KDM4A: variants seen among roughly 807,000 people sequenced by gnomAD.
KDM4A encodes lysine demethylase 4A.
KDM4A carries 23 observed loss-of-function variants against 127.1 expected under a neutral mutation model. That is an observed-to-expected ratio of 0.18 (90% CI 0.13 to 0.26). The LOEUF (loss-of-function observed/expected upper bound fraction) is 0.26. Among genes scored for constraint, KDM4A ranks in the 10% least tolerant of loss-of-function variants. The probability of loss-of-function intolerance (pLI) is 1.00; values close to 1 mark genes in which losing one functional copy is unlikely to be tolerated. For synonymous variants in KDM4A, 443 were observed against 466.5 expected (o/e 0.95, Z 0.65); for missense variants, 890 against 1,329.1 (o/e 0.67, Z 5.14).
intron 18 of KDM4A, among the ~76,000 whole-genome samples, chr1:43,697,172 C>T (rs1289996924): frequency 3.3e-5 from 5 of 152,186 alleles, no homozygotes; most frequent in Admixed American, 6.6e-5. Context: ...ATATGGCACA[C>T]TCATTCAGGG....
chr1:43,654,439 T>C (rs1277092752), intron 2 of KDM4A, among the ~76,000 whole-genome samples: 3 of 152,208 alleles, frequency 2.0e-5, no homozygotes. Context: ...ATTCCTGTGT[T>C]GGTTCGTTCA....
chr1:43,653,150 TA>T lies in KDM4A; in HGVS notation c.-23del. ...GTGTTTCTTCAGATTCCTGTCTGACTAAAGGGACCTCAAAAAGGAGGGAAAA... is the reference window on the plus strand; with the variant it reads ...GTGTTTCTTCAGATTCCTGTCTGACTAAGGGACCTCAAAAAGGAGGGAAAA... On this transcript the variant is annotated 5_prime_UTR_variant, in exon 2 of 22. Coordinates refer to ENST00000372396, the MANE Select transcript of KDM4A (RefSeq NM_014663.3). 6.2e-7 allele frequency: 1 copy of T among 1,601,498 alleles called. No homozygotes were observed. The highest frequency in any genetic ancestry group is 2.2e-5 in the East Asian group (1 of 44,650).
At chr1:43,671,429 C>G in intron 10 of KDM4A, 76 bp from the exon 11 acceptor site, 1 of 1,459,622 alleles carries the variant, frequency 6.9e-7, no homozygotes, top group Non-Finnish European at 9.1e-7. Flanking sequence ...GTTCCTTGTG[C>G]TTTGCCCTCT....
intron 12 of KDM4A, among the ~76,000 whole-genome samples, chr1:43,687,119 T>A (rs1241425080): frequency 6.6e-6 from 1 of 152,200 alleles, no homozygotes; most frequent in Admixed American, 6.5e-5. Flanking sequence ...TGTGCTTGGG[T>A]TCTGGGCACC....
chr1:43,655,897 C>T, intron 3 of KDM4A, 131 bp downstream of exon 3: 1 of 624,286 alleles, frequency 1.6e-6, no homozygotes, highest in Non-Finnish European at 2.5e-6. Flanking sequence ...TAGCTGTCTC[C>T]CTTTCTGCTT....
intron 19 of KDM4A, among the ~76,000 whole-genome samples, chr1:43,701,032 C>T (rs1408599881): frequency 6.6e-6 from 1 of 151,660 alleles, no homozygotes; most frequent in Non-Finnish European, 1.5e-5. Context: ...AAGCGATTCT[C>T]CTGCCTCAGC....
intron 11 of KDM4A, among the ~76,000 whole-genome samples, chr1:43,679,925 C>T (rs930473679): frequency 1.3e-5 from 2 of 152,136 alleles, no homozygotes; most frequent in African/African-American, 2.4e-5. Context: ...CCTGCTATCC[C>T]GCCCTGTCTG....
chr1:43,682,958 C>A (rs563364347), intron 11 of KDM4A, among the ~76,000 whole-genome samples: 1 of 152,320 alleles, frequency 6.6e-6, no homozygotes, highest in African/African-American at 2.4e-5. Flanking sequence ...TAGAAAGAAA[C>A]CCTTCTGTAG....
At chr1:43,680,795 T>C (rs10789443) in intron 11 of KDM4A, among the ~76,000 whole-genome samples, 67,189 of 152,128 alleles carry the variant, frequency 0.44, 14,897 homozygotes, top group East Asian at 0.56. Flanking sequence ...TGGGATTACA[T>C]TGGGCCCACC....
chr1:43,651,730 G>A (rs897587211), intron 1 of KDM4A, among the ~76,000 whole-genome samples: 1 of 152,176 alleles, frequency 6.6e-6, no homozygotes, highest in African/African-American at 2.4e-5. Context: ...TATTTTCATT[G>A]ATATGCTTTG....
At chr1:43,700,660 G>A (rs564890317) in intron 19 of KDM4A, among the ~76,000 whole-genome samples, 57 of 151,668 alleles carry the variant, frequency 3.8e-4, no homozygotes, top group South Asian at 6.3e-4. Flanking sequence ...GGGCTCAAGC[G>A]ATTTCTTTTG....
At chr1:43,687,052 C>A (rs906902425) in intron 12 of KDM4A, among the ~76,000 whole-genome samples, 1 of 152,154 alleles carries the variant, frequency 6.6e-6, no homozygotes, top group African/African-American at 2.4e-5. Flanking sequence ...CTGTCTGTTT[C>A]TGTTTCTTCC....
Position 43,694,670 on chromosome 1 carries a change from A to T in KDM4A, c.2485-39A>T, listed in dbSNP as rs1280048865. ...GAACAACAGAGGAAGCTGCAGTGCCAGTTCCTGCAATCACTGGTTTTCTTC... is the reference window on the plus strand; with the variant it reads ...GAACAACAGAGGAAGCTGCAGTGCCTGTTCCTGCAATCACTGGTTTTCTTC... On this transcript the variant is annotated intron_variant, in intron 17 of 21. Transcript: ENST00000372396. The surrounding 1 kb of genome is among the most constrained non-coding windows in gnomAD (Gnocchi z 5.2). 1 of 1,565,410 alleles carries T rather than the reference A, an allele frequency of 6.4e-7. No homozygotes were observed. The highest frequency in any genetic ancestry group is 1.1e-5 in the South Asian group (1 of 88,424).
intron 13 of KDM4A, chr1:43,690,555 G>A: frequency 2.2e-6 from 1 of 458,728 alleles, no homozygotes; most frequent in Non-Finnish European, 4.0e-6. Flanking sequence ...GCCTCTCAGT[G>A]CATTTTATTA....
In KDM4A at chr1:43,667,927, T is replaced by G. The variant is rs1156987906; in HGVS notation, c.1071T>G (p.Ser357Arg). Residue 357 changes from serine to arginine, a missense_variant, in exon 9 of 22, where the codon AGT becomes AGG. Physicochemically the swap from Ser to Arg is moderately radical, Grantham distance 110. This residue lies in a region of KDM4A where 389 missense variants were observed against 485.9 expected (regional missense o/e 0.80). Coordinates refer to ENST00000372396, the MANE Select transcript of KDM4A (RefSeq NM_014663.3). ...AAGCAGCTGAGTTTCTTAAGGAGAG[T>G]GAACTGCCTCCAAGAGCTGGCAACG... ...TPEAAEFLKE[S>R]ELPPRAGNEE... The G allele has an allele frequency of 6.2e-7, 1 of 1,613,756 alleles. No homozygotes were observed. The highest frequency in any genetic ancestry group is 1.1e-5 in the South Asian group (1 of 91,060).
chr1:43,653,290 G>A lies in KDM4A; in HGVS notation c.115G>A (p.Ala39Thr). ...RYIAYIESQG[A>T]HRAGLAKVVP... ...CATTGCCTACATTGAATCCCAAGGA[G>A]CTCATCGGGCAGGGCTAGCCAAGGT... The change falls in exon 2 of 22, where the codon GCT (alanine) becomes ACT (threonine). Residue 39 changes from alanine (A) to threonine (T), a missense_variant. Physicochemically the swap from Ala to Thr is moderately conservative, Grantham distance 58. Coordinates refer to ENST00000372396, the MANE Select transcript of KDM4A (RefSeq NM_014663.3). 1 of 1,612,922 alleles carries A rather than the reference G, an allele frequency of 6.2e-7. No individual in the cohort carries two copies. Among genetic ancestry groups the A allele is most frequent in the Non-Finnish European group, 8.5e-7 (1 of 1,179,350 alleles).
chr1:43,692,025 AC>A (rs1325685070), intron 15 of KDM4A, among the ~76,000 whole-genome samples: 1 of 152,256 alleles, frequency 6.6e-6, no homozygotes, highest in Non-Finnish European at 1.5e-5. Flanking sequence ...ATTAGCAGCA[AC>A]AATGAAGAGG....
chr1:43,675,649 G>A (rs1485566788), intron 11 of KDM4A, among the ~76,000 whole-genome samples: 1 of 152,206 alleles, frequency 6.6e-6, no homozygotes, highest in Middle Eastern at 3.2e-3. Context: ...GCCAGAACCT[G>A]GAGGGTCTGC....
intron 11 of KDM4A, among the ~76,000 whole-genome samples, chr1:43,675,759 C>G (rs907393570): frequency 6.6e-6 from 1 of 152,108 alleles, no homozygotes; most frequent in African/African-American, 2.4e-5. Flanking sequence ...TGAAAACTTT[C>G]ATAATTCATT....
Sources: allele counts gnomAD v4.1 joint callset (sites outside exome capture counted in the v4.1 genomes callset), GRCh38; gene constraint gnomAD v4.1.1; regional missense constraint gnomAD v4.1.1; non-coding constraint Gnocchi (gnomAD v3.1); transcripts MANE v1.5; gene names NCBI Gene and HGNC (gene_info 2026-07-23, HGNC 2026-07-21).